OBP2A: variants seen among roughly 807,000 people sequenced by gnomAD.
OBP2A encodes the protein odorant-binding protein 2a.
OBP2A carries 15 observed loss-of-function variants against 21.9 expected under a neutral mutation model. That is an observed-to-expected ratio of 0.69 (90% confidence interval 0.46 to 1.06). OBP2A has a LOEUF of 1.06. Ranked by LOEUF, OBP2A falls within the 50% of genes least tolerant of loss-of-function variation. The pLI, the probability that OBP2A is intolerant of heterozygous loss-of-function variation, is 0.00. For synonymous variants in OBP2A, 86 were observed against 91.8 expected, an observed-to-expected ratio of 0.94 and a Z score of 0.36; for missense variants, 192 against 220.1, an observed-to-expected ratio of 0.87 and a Z score of 0.81.
chr9:135,549,707 C>T (rs979490846), intron 6 of OBP2A, 130 bp from the exon 7 acceptor site: 35 of 628,014 alleles, frequency 5.6e-5, no homozygotes, highest in Non-Finnish European at 8.6e-5. Flanking sequence ...GGAGCTGAGG[C>T]TGCTCTGGAG....
At position 135,547,917 on chromosome 9, in the gene OBP2A, C is replaced by T. The variant is rs533103497; in HGVS notation, c.324C>T (p.Asp108=). The change falls in exon 4 of 7, where the codon GAC becomes GAT. Residue 108 remains aspartate (D), a synonymous_variant. Transcript: ENST00000371776. Reference sequence around the variant, plus strand: ...ACCTGCAGGAGCTGCCCGGGACGGACGACTACGTCTTTTACTGCAAAGACC... The same window carrying T: ...ACCTGCAGGAGCTGCCCGGGACGGATGACTACGTCTTTTACTGCAAAGACC... ...LIYLQELPGT[D]DYVFYCKDQR... 36 of 1,613,338 alleles carry T rather than the reference C, an allele frequency of 2.2e-5. No homozygotes were observed. The Middle Eastern group carries it at 5.1e-4, about 23-fold the overall frequency.
rs769357569 is a variant in OBP2A, at chr9:135,547,181, G to A, written c.210G>A (p.Arg70=). 6.2e-7 allele frequency: 1 copy of A among 1,612,366 alleles called. No individual in the cohort carries two copies. Among genetic ancestry groups the A allele is most frequent in the Non-Finnish European group, 8.5e-7 (1 of 1,179,906 alleles). ...CCGAGTGTCTCCTGTTTTCCAGGAG[G>A]GAGGATCGGTGCATCCAGAAGAAAA... The part of the protein sequence containing the change: ...GNLEATFTFM[R]EDRCIQKKIL... The change falls in exon 3 of 7, where the codon AGG becomes AGA. Residue 70 remains arginine (R), a synonymous_variant. Coordinates refer to ENST00000371776, the MANE Select transcript of OBP2A (RefSeq NM_014582.3).
intron 2 of OBP2A, 133 bp from the exon 3 acceptor site, chr9:135,547,045 A>G (rs491024): frequency 0.73 from 1,031,090 of 1,404,004 alleles, 390,890 homozygotes; most frequent in East Asian, 0.98. Flanking sequence ...AACAGCCAGG[A>G]CATCCTGAAG....
intron 5 of OBP2A, among the ~76,000 whole-genome samples, chr9:135,549,102 CGCGCT>C (rs1832045599): frequency 2.5e-4 from 1 of 4,008 alleles, no homozygotes; most frequent in Non-Finnish European, 5.0e-4. Flanking sequence ...TCTGGGGCTC[CGCGCT>C]CTGGGCTGCG....
At chr9:135,546,746 C>G (rs777664835) in intron 1 of OBP2A, 32 bp from the exon 2 acceptor site, 57 of 1,573,880 alleles carry the variant, frequency 3.6e-5, no homozygotes, top group Non-Finnish European at 4.8e-5. Context: ...CTGGGCCACC[C>G]ATGGTGGGCT....
intron 4 of OBP2A, 131 bp from the exon 5 acceptor site, chr9:135,548,577 T>G: frequency 7.3e-7 from 1 of 1,361,582 alleles, no homozygotes; most frequent in South Asian, 1.4e-5. Flanking sequence ...GCCCCACCCC[T>G]GAGCTCTGAT....
At position 135,547,902 on chromosome 9, in the gene OBP2A, GC is replaced by G. The variant is rs1644845203; in HGVS notation, c.310del (p.Leu104CysfsTer104). 1 of 1,612,916 alleles carries G rather than the reference GC, an allele frequency of 6.2e-7. No homozygotes were observed. The highest frequency in any genetic ancestry group is 8.5e-7 in the Non-Finnish European group (1 of 1,179,510). On this transcript the variant is annotated frameshift_variant, in exon 4 of 7. Coordinates refer to ENST00000371776, the MANE Select transcript of OBP2A (RefSeq NM_014582.3). LOFTEE classifies it high-confidence loss of function. Reference sequence around the variant, plus strand: ...GCAGGAAGCTCATATACCTGCAGGAGCTGCCCGGGACGGACGACTACGTCTT... The same window carrying G: ...GCAGGAAGCTCATATACCTGCAGGAGTGCCCGGGACGGACGACTACGTCTT... ...GGRKLIYLQE[L>X]PGTDDYVFYC...
At chr9:135,549,724 G>T (rs1832071805) in intron 6 of OBP2A, 113 bp from the exon 7 acceptor site, 2 of 691,060 alleles carry the variant, frequency 2.9e-6, no homozygotes, top group Non-Finnish European at 4.8e-6. Flanking sequence ...GGAGCCCCGA[G>T]GCTGCCCAGC....
chr9:135,546,705 G>A, intron 1 of OBP2A, 73 bp from the exon 2 acceptor site: 1 of 1,535,524 alleles, frequency 6.5e-7, no homozygotes, highest in Admixed American at 1.9e-5. Context: ...GGTTATAGCT[G>A]CAGGCCTGAG....
chr9:135,547,866 T>C lies in OBP2A; in HGVS notation c.278-5T>C. Reference sequence around the variant, plus strand: ...CTGAAGACCCATCTTCTCTGTCATCTACAGATGGGGGCAGGAAGCTCATAT... The same window carrying C: ...CTGAAGACCCATCTTCTCTGTCATCCACAGATGGGGGCAGGAAGCTCATAT... On this transcript the variant is annotated splice_polypyrimidine_tract_variant and splice_region_variant and intron_variant, in intron 3 of 6. Transcript: ENST00000371776. The C allele has an allele frequency of 1.3e-6, 2 of 1,599,032 alleles. No individual in the cohort carries two copies. The highest frequency in any genetic ancestry group is 1.7e-6 in the Non-Finnish European group (2 of 1,171,724).
intron 6 of OBP2A, 119 bp downstream of exon 6, chr9:135,549,450 A>T (rs59123748): frequency 0.11 from 100,254 of 933,456 alleles, 15,762 homozygotes; most frequent in African/African-American, 0.37. Context: ...CCCCAGGGTC[A>T]GGCACGAGGT....
In OBP2A at chr9:135,547,992, C is replaced by G. The variant is rs111918812; in HGVS notation, c.388+11C>G. 3 of 1,579,694 alleles carry G rather than the reference C, an allele frequency of 1.9e-6. No individual in the cohort carries two copies. The highest frequency in any genetic ancestry group is 2.6e-6 in the Non-Finnish European group (3 of 1,156,898). Reference sequence around the variant, plus strand: ...TGGGAAAGCTTGTGGGTGAGGGGCCCGCTGGGGCCTGCATGTCCTGCCCCA... The same window carrying G: ...TGGGAAAGCTTGTGGGTGAGGGGCCGGCTGGGGCCTGCATGTCCTGCCCCA... On this transcript the variant is annotated intron_variant, in intron 4 of 6. Coordinates refer to ENST00000371776, the MANE Select transcript of OBP2A (RefSeq NM_014582.3).
chr9:135,546,840 G>A lies in OBP2A; in HGVS notation c.135G>A (p.Arg45=), dbSNP rs1280698205. ...ATAAGGACTTTCCGGAGGACAGGAG[G>A]CCCAGGAAGGTGTCCCCAGTGAAGG... is the stretch of plus-strand genomic sequence containing the variant. The part of the protein sequence containing the change: ...VVDKDFPEDR[R]PRKVSPVKVT... The change falls in exon 2 of 7, where the codon AGG becomes AGA. Residue 45 remains arginine, a synonymous_variant. Transcript: ENST00000371776. 7 of 1,613,508 alleles carry A rather than the reference G, an allele frequency of 4.3e-6. No individual in the cohort carries two copies. In the African/African-American group the frequency reaches 5.3e-5, roughly 12 times the overall value.
chr9:135,547,761 C>T, intron 3 of OBP2A, 110 bp from the exon 4 acceptor site: 1 of 844,534 alleles, frequency 1.2e-6, no homozygotes. Flanking sequence ...TCAGGCTGTC[C>T]AGGGCACCTG....
At chr9:135,547,778 C>T in intron 3 of OBP2A, 93 bp from the exon 4 acceptor site, 1 of 988,456 alleles carries the variant, frequency 1.0e-6, no homozygotes, top group Non-Finnish European at 1.5e-6. Flanking sequence ...CCTGGGTGAC[C>T]ACTGAAACAT....
At chr9:135,549,666 AG>A in intron 6 of OBP2A, 170 bp from the exon 7 acceptor site, 1 of 594,110 alleles carries the variant, frequency 1.7e-6, no homozygotes. Context: ...CCACTCACCA[AG>A]GATGCTCAGA....
At chr9:135,547,836 G>C in intron 3 of OBP2A, 35 bp from the exon 4 acceptor site, 1 of 1,473,664 alleles carries the variant, frequency 6.8e-7, no homozygotes, top group Non-Finnish European at 9.3e-7. Context: ...CCGGGAATGA[G>C]GGCACTGAAG....
At chr9:135,547,300 G>C (rs1007745433) in intron 3 of OBP2A, 52 bp downstream of exon 3, 11 of 1,580,136 alleles carry the variant, frequency 7.0e-6, no homozygotes, top group Non-Finnish European at 9.5e-6. Flanking sequence ...GGATGCACCA[G>C]CCCCACTGCA....
intron 4 of OBP2A, among the ~76,000 whole-genome samples, chr9:135,548,292 G>C (rs947382634): frequency 1.3e-5 from 2 of 152,120 alleles, no homozygotes. Context: ...CATGGGGCAG[G>C]GACTCTCCAG....
Sources: allele counts gnomAD v4.1 joint callset (sites outside exome capture counted in the v4.1 genomes callset), GRCh38; gene constraint gnomAD v4.1.1; transcripts MANE v1.5; gene names NCBI Gene and HGNC (gene_info 2026-07-23, HGNC 2026-07-21).